Variants in DGKI observed in about 807,000 individuals in gnomAD.
The protein encoded by DGKI is DAG kinase iota.
DGKI carries 55 observed loss-of-function variants against 147.5 expected under a neutral mutation model. The ratio of observed to expected loss-of-function variants is 0.37; its 90% CI spans 0.30 to 0.47. The LOEUF is 0.47. DGKI is among the 20% of genes least tolerant of loss of function. DGKI has a pLI of 1.00. For synonymous variants in DGKI, 469 were observed against 477.1 expected (o/e 0.98, Z 0.22); for missense variants, 1,007 against 1,323.8 (o/e 0.76, Z 3.71).
At chr7:137,641,157 C>G (rs1821610372) in intron 6 of DGKI, among the ~76,000 whole-genome samples, 1 of 152,158 alleles carries the variant, frequency 6.6e-6, no homozygotes, top group African/African-American at 2.4e-5. Context: ...CTCTCTTTGC[C>G]TGTCACCATC....
chr7:137,731,233 C>A (rs987626397), intron 1 of DGKI, among the ~76,000 whole-genome samples: 1 of 152,044 alleles, frequency 6.6e-6, no homozygotes, highest in African/African-American at 2.4e-5. Flanking sequence ...TCTTCCAAAC[C>A]GTCTTCATTC....
chr7:137,597,987 G>A (rs935373922), intron 11 of DGKI, 80 bp from the exon 12 acceptor site: 9 of 1,279,216 alleles, frequency 7.0e-6, no homozygotes, highest in Non-Finnish European at 1.0e-5. Context: ...GACAACATGG[G>A]TAGGTAGGGG....
intron 1 of DGKI, among the ~76,000 whole-genome samples, chr7:137,759,432 C>T (rs1795788333): frequency 6.6e-6 from 1 of 152,108 alleles, no homozygotes; most frequent in Admixed American, 6.5e-5. Context: ...ACCTCCGCCT[C>T]CCAGGTTCAA....
At chr7:137,733,995 C>T (rs1794955050) in intron 1 of DGKI, among the ~76,000 whole-genome samples, 1 of 152,084 alleles carries the variant, frequency 6.6e-6, no homozygotes, top group Non-Finnish European at 1.5e-5. Flanking sequence ...CATTAACCCC[C>T]TAAAATCTCT....
At chr7:137,566,257 A>T (rs566326821) in intron 19 of DGKI, among the ~76,000 whole-genome samples, 3 of 152,142 alleles carry the variant, frequency 2.0e-5, no homozygotes, top group Non-Finnish European at 4.4e-5. Flanking sequence ...AATCATCTTA[A>T]ACAAATGTTT....
intron 1 of DGKI, among the ~76,000 whole-genome samples, chr7:137,723,327 C>T (rs1794621634): frequency 6.6e-6 from 1 of 152,222 alleles, no homozygotes. Flanking sequence ...TTTATATGTG[C>T]AAACTCTGCT....
At chr7:137,434,953 T>C (rs1005255827) in intron 28 of DGKI, among the ~76,000 whole-genome samples, 1 of 152,180 alleles carries the variant, frequency 6.6e-6, no homozygotes, top group African/African-American at 2.4e-5. Context: ...ACACAGTCTA[T>C]AGGGAACACC....
In DGKI at chr7:137,585,143, T is replaced by C. The variant is rs890929491; in HGVS notation, c.1563+66A>G. 2.2e-5 allele frequency: 34 copies of C among 1,569,956 alleles called. No individual in the cohort carries two copies. The East Asian group carries it at 5.2e-4, about 24-fold the overall frequency. On this transcript the variant is annotated intron_variant, in intron 14 of 32. Coordinates refer to ENST00000614521, the MANE Select transcript of DGKI (RefSeq NM_001321708.2). ...TCAGCACATGACTCTCCAGCCAGGA[T>C]TTTTTTTCCTGTAGCTCAGGCAGAT...
chr7:137,798,506 C>A (rs183605246), intron 1 of DGKI, among the ~76,000 whole-genome samples: 9 of 152,300 alleles, frequency 5.9e-5, no homozygotes, highest in Middle Eastern at 3.4e-3. Context: ...ACTACAGCCT[C>A]AACTTCCTGG....
intron 1 of DGKI, among the ~76,000 whole-genome samples, chr7:137,803,715 C>T (rs1016302922): frequency 6.6e-6 from 1 of 152,154 alleles, no homozygotes; most frequent in Admixed American, 6.5e-5. Context: ...CTTCCAGGAG[C>T]TTCAATTAAA....
chr7:137,407,606 T>TAA (rs201518587), intron 30 of DGKI, among the ~76,000 whole-genome samples: 1 of 147,198 alleles, frequency 6.8e-6, no homozygotes, highest in East Asian at 2.0e-4. Context: ...GTCCTCTATT[T>TAA]AAAAAAAAAA....
intron 28 of DGKI, among the ~76,000 whole-genome samples, chr7:137,428,838 CT>C (rs1328529291): frequency 6.6e-6 from 1 of 152,048 alleles, no homozygotes; most frequent in Non-Finnish European, 1.5e-5. Context: ...AGGAATCCAA[CT>C]TACAAGGGAT....
intron 20 of DGKI, among the ~76,000 whole-genome samples, chr7:137,547,360 T>C (rs1817899376): frequency 6.6e-6 from 1 of 152,196 alleles, no homozygotes; most frequent in African/African-American, 2.4e-5. Context: ...GAAATATTTT[T>C]TAGAAAACAT....
At chr7:137,720,189 T>C (rs1036804441) in intron 1 of DGKI, among the ~76,000 whole-genome samples, 1 of 151,846 alleles carries the variant, frequency 6.6e-6, no homozygotes, top group Non-Finnish European at 1.5e-5. Flanking sequence ...GCAACTAATA[T>C]TATAACTAGA....
At chr7:137,450,157 C>T (rs557226932) in intron 27 of DGKI, among the ~76,000 whole-genome samples, 2 of 152,210 alleles carry the variant, frequency 1.3e-5, no homozygotes, top group East Asian at 3.9e-4. Context: ...GGGAGACATG[C>T]TCTTCAAAGT....
chr7:137,663,160 T>C (rs1285053770), intron 3 of DGKI, among the ~76,000 whole-genome samples: 1 of 152,250 alleles, frequency 6.6e-6, no homozygotes, highest in African/African-American at 2.4e-5. Context: ...TAACCATCAC[T>C]ATGTGTATAA....
intron 1 of DGKI, among the ~76,000 whole-genome samples, chr7:137,758,325 C>G (rs2116792049): frequency 6.6e-6 from 1 of 152,290 alleles, no homozygotes. Context: ...AAGTAGTAGT[C>G]TGGTAGAAAA....
intron 19 of DGKI, 65 bp downstream of exon 19, chr7:137,571,110 T>C: frequency 1.7e-6 from 2 of 1,201,806 alleles, no homozygotes; most frequent in Non-Finnish European, 2.3e-6. Flanking sequence ...ACTAAAGTCC[T>C]GTGAATTGAA....
intron 21 of DGKI, among the ~76,000 whole-genome samples, chr7:137,496,462 T>G (rs972343366): frequency 6.6e-6 from 1 of 151,762 alleles, no homozygotes; most frequent in Non-Finnish European, 1.5e-5. Flanking sequence ...CAAACTATTT[T>G]AAAAATCATA....
Sources: gnomAD v4.1 joint callset for allele counts (sites outside exome capture counted in the v4.1 genomes callset) on GRCh38, gnomAD v4.1.1 for gene constraint, MANE v1.5 for transcripts, NCBI Gene and HGNC (gene_info 2026-07-23, HGNC 2026-07-21) for gene names.